MAP2: variants seen among roughly 807,000 people sequenced by gnomAD.
MAP2 encodes microtubule-associated protein 2.
A neutral mutation model predicts 137.6 loss-of-function variants in MAP2; 14 were observed. The observed-to-expected ratio is 0.10, with a 90% CI of 0.07 to 0.16. The LOEUF (loss-of-function observed/expected upper bound fraction) is 0.16. Ranked by LOEUF, MAP2 falls within the 10% of genes least tolerant of loss-of-function variation. The pLI is 1.00. For synonymous variants in MAP2, 786 were observed against 782.3 expected, an observed-to-expected ratio of 1.00 and a Z score of -0.08; for missense variants, 2,088 against 2,191.5, an observed-to-expected ratio of 0.95 and a Z score of 0.94.
At chr2:209,662,811 A>G (rs1174313903) in intron 5 of MAP2, among the ~76,000 whole-genome samples, 2 of 152,156 alleles carry the variant, frequency 1.3e-5, no homozygotes, top group East Asian at 1.9e-4. Flanking sequence ...GTCCTTTGTT[A>G]TATTTCGGAG....
At chr2:209,683,439 A>G (rs2055649222) in intron 7 of MAP2, among the ~76,000 whole-genome samples, 2 of 152,220 alleles carry the variant, frequency 1.3e-5, no homozygotes, top group South Asian at 4.1e-4. Context: ...CTATCTCTAT[A>G]AAGACCAGAT....
chr2:209,647,865 A>G (rs1559478607), intron 4 of MAP2, among the ~76,000 whole-genome samples: 1 of 152,218 alleles, frequency 6.6e-6, no homozygotes, highest in Non-Finnish European at 1.5e-5. Context: ...AAATGTGTCC[A>G]TAGAAACTCT....
At chr2:209,499,043 A>T (rs1411716881) in intron 1 of MAP2, among the ~76,000 whole-genome samples, 1 of 152,204 alleles carries the variant, frequency 6.6e-6, no homozygotes, top group Non-Finnish European at 1.5e-5. Flanking sequence ...ACATGGTTAG[A>T]TGAAAAATTT....
chr2:209,427,544 A>T (rs1419888791), intron 1 of MAP2, among the ~76,000 whole-genome samples: 1 of 151,952 alleles, frequency 6.6e-6, no homozygotes, highest in African/African-American at 2.4e-5. Flanking sequence ...CCCTCCCTTC[A>T]CATCATTCTT....
chr2:209,583,984 C>A (rs2077112476), intron 3 of MAP2, among the ~76,000 whole-genome samples: 1 of 151,868 alleles, frequency 6.6e-6, no homozygotes, highest in Non-Finnish European at 1.5e-5. Flanking sequence ...TCCACAATTA[C>A]CGAGTGTTTA....
chr2:209,644,037 A>G (rs554698989), intron 4 of MAP2, among the ~76,000 whole-genome samples: 3 of 152,168 alleles, frequency 2.0e-5, no homozygotes, highest in Non-Finnish European at 4.4e-5. Context: ...TTCAAATGTC[A>G]ATGTATCAGA....
At chr2:209,510,776 T>G (rs2061634565) in intron 2 of MAP2, among the ~76,000 whole-genome samples, 1 of 152,110 alleles carries the variant, frequency 6.6e-6, no homozygotes, top group African/African-American at 2.4e-5. Flanking sequence ...GTAATGTTAA[T>G]TTCATTGGCT....
At chr2:209,450,194 G>A (rs1014421651) in intron 1 of MAP2, among the ~76,000 whole-genome samples, 14 of 152,054 alleles carry the variant, frequency 9.2e-5, no homozygotes, top group African/African-American at 2.7e-4. Flanking sequence ...CACCTGCCTC[G>A]GCCTCCCAAA....
At chr2:209,716,063 A>G (rs903832190) in intron 13 of MAP2, among the ~76,000 whole-genome samples, 1 of 152,058 alleles carries the variant, frequency 6.6e-6, no homozygotes, top group African/African-American at 2.4e-5. Context: ...ATATTGTCGC[A>G]ATTGTTATTA....
At chr2:209,705,312 A>G (rs2063075536) in intron 11 of MAP2, 1 of 233,080 alleles carries the variant, frequency 4.3e-6, no homozygotes, top group East Asian at 8.6e-5. Flanking sequence ...GATTGAGTAC[A>G]TTTATTTTAC....
chr2:209,722,412 A>G (rs1278895115), intron 13 of MAP2, among the ~76,000 whole-genome samples: 1 of 152,226 alleles, frequency 6.6e-6, no homozygotes, highest in African/African-American at 2.4e-5. Context: ...TGGAAATACC[A>G]AAAGATGTGG....
chr2:209,631,904 A>T (rs1447150009), intron 4 of MAP2, among the ~76,000 whole-genome samples: 1 of 152,212 alleles, frequency 6.6e-6, no homozygotes, highest in Non-Finnish European at 1.5e-5. Context: ...GTAAGGTAGT[A>T]GACTGAGTTG....
chr2:209,538,535 C>CT (rs1175515630), intron 2 of MAP2, among the ~76,000 whole-genome samples: 7,564 of 125,312 alleles, frequency 0.06, 382 homozygotes, highest in African/African-American at 0.13. Flanking sequence ...CAGAAGAGTC[C>CT]TTTTTTTTTT....
At chr2:209,555,760 A>G (rs1250455286) in intron 2 of MAP2, among the ~76,000 whole-genome samples, 1 of 152,188 alleles carries the variant, frequency 6.6e-6, no homozygotes, top group Non-Finnish European at 1.5e-5. Context: ...AAACATATCA[A>G]AAGTCTAGCC....
At chr2:209,616,517 C>G (rs1160892512) in intron 3 of MAP2, among the ~76,000 whole-genome samples, 1 of 152,158 alleles carries the variant, frequency 6.6e-6, no homozygotes, top group Non-Finnish European at 1.5e-5. Context: ...AAGCATTAAG[C>G]AGGGTATAGC....
intron 2 of MAP2, among the ~76,000 whole-genome samples, chr2:209,527,576 AT>A (rs1375393902): frequency 6.6e-6 from 1 of 152,092 alleles, no homozygotes; most frequent in Non-Finnish European, 1.5e-5. Context: ...TACATACTTG[AT>A]TAAGGAACCA....
chr2:209,546,579 G>A (rs564469667), intron 2 of MAP2, among the ~76,000 whole-genome samples: 3 of 152,258 alleles, frequency 2.0e-5, no homozygotes, highest in African/African-American at 4.8e-5. Flanking sequence ...ATAAGCTAGT[G>A]CATATCAAAA....
intron 13 of MAP2, chr2:209,721,779 A>T (rs2071098260): frequency 6.6e-6 from 1 of 152,216 alleles, no homozygotes; most frequent in Admixed American, 6.5e-5. Context: ...TCTCTAAGTT[A>T]AATTTTTTAA....
chr2:209,648,097 G>A (rs946866700), intron 4 of MAP2, among the ~76,000 whole-genome samples: 4 of 145,000 alleles, frequency 2.8e-5, no homozygotes, highest in East Asian at 2.0e-4. Flanking sequence ...ATGTTTAAAC[G>A]TCTTGGATTT....
Sources: gnomAD v4.1 joint callset for allele counts (sites outside exome capture counted in the v4.1 genomes callset) on GRCh38, gnomAD v4.1.1 for gene constraint, MANE v1.5 for transcripts, NCBI Gene and HGNC (gene_info 2026-07-23, HGNC 2026-07-21) for gene names.